SLC3A2: variants seen among roughly 807,000 people sequenced by gnomAD.
SLC3A2 encodes solute carrier family 3 member 2.
SLC3A2 carries 32 observed loss-of-function variants against 48.5 expected under a neutral mutation model. The ratio of observed to expected loss-of-function variants is 0.66; its 90% CI spans 0.50 to 0.89. The LOEUF (loss-of-function observed/expected upper bound fraction) is 0.89. Among genes scored for constraint, SLC3A2 ranks in the 40% least tolerant of loss-of-function variants. The probability of loss-of-function intolerance (pLI) is 0.00; values close to 1 mark genes in which losing one functional copy is unlikely to be tolerated. For synonymous variants in SLC3A2, 277 were observed against 288.8 expected, an observed-to-expected ratio of 0.96 and a Z score of 0.41; for missense variants, 587 against 680.7, an observed-to-expected ratio of 0.86 and a Z score of 1.53.
intron 1 of SLC3A2, among the ~76,000 whole-genome samples, chr11:62,858,904 A>G (rs1161584908): frequency 2.6e-5 from 4 of 152,220 alleles, no homozygotes; most frequent in African/African-American, 7.2e-5. Flanking sequence ...TCCAGCCCTA[A>G]GGCGGTTTTT....
At chr11:62,876,130 G>A (rs938486099), upstream of SLC3A2, among the ~76,000 whole-genome samples, 2 of 152,222 alleles carry the variant, frequency 1.3e-5, no homozygotes, top group African/African-American at 2.4e-5. Context: ...TTCCCAGAGC[G>A]CTGGGATTAA....
intron 1 of SLC3A2, among the ~76,000 whole-genome samples, chr11:62,860,829 C>T (rs1430619454): frequency 2.6e-5 from 4 of 152,164 alleles, no homozygotes; most frequent in Non-Finnish European, 4.4e-5. Context: ...TGGAGAATGG[C>T]GATGACTTTT....
chr11:62,888,436 G>A lies in SLC3A2; in HGVS notation c.1333G>A (p.Ala445Thr), dbSNP rs201002194. The A allele has an allele frequency of 2.6e-5, 42 of 1,614,100 alleles. No homozygotes were observed. The African/African-American group carries it at 3.1e-4, about 12-fold the overall frequency. Reference sequence around the variant, plus strand: ...GCATGGGGACTTCCACGCGTTCTCCGCTGGGCCTGGACTCTTCTCCTATAT... The same window carrying A: ...GCATGGGGACTTCCACGCGTTCTCCACTGGGCCTGGACTCTTCTCCTATAT... Reference protein sequence around the residue: ...LLHGDFHAFSAGPGLFSYIRH... With the variant: ...LLHGDFHAFSTGPGLFSYIRH... The change falls in exon 9 of 9, where the codon GCT (alanine) becomes ACT (threonine). Residue 445 changes from alanine to threonine, a missense_variant. Transcript: ENST00000338663.
At chr11:62,879,679 C>T (rs996825470), upstream of SLC3A2, among the ~76,000 whole-genome samples, 1 of 152,238 alleles carries the variant, frequency 6.6e-6, no homozygotes, top group African/African-American at 2.4e-5. Flanking sequence ...TCCAAATACA[C>T]AGCAATCTTG....
chr11:62,885,418 G>A, intron 6 of SLC3A2, 47 bp from the exon 7 acceptor site: 1 of 1,613,970 alleles, frequency 6.2e-7, no homozygotes, highest in Non-Finnish European at 8.5e-7. Context: ...TTGGGAGACA[G>A]AGGCAGAGGT....
intron 7 of SLC3A2, 98 bp from the exon 8 acceptor site, chr11:62,888,037 C>T (rs1365142436): frequency 1.9e-6 from 2 of 1,044,396 alleles, no homozygotes; most frequent in African/African-American, 1.6e-5. Context: ...CTCAAGCAAT[C>T]CTCTTGGCCT....
At chr11:62,884,373 T>G in intron 3 of SLC3A2, 84 bp from the exon 4 acceptor site, 2 of 1,429,118 alleles carry the variant, frequency 1.4e-6, no homozygotes, top group Non-Finnish European at 2.0e-6. Flanking sequence ...AAGTGTGTGG[T>G]GGGTGAGGTT....
Position 62,880,914 on chromosome 11 carries a change from T to TGCGCGGAG in SLC3A2, c.-107_-100dup. On this transcript the variant is annotated 5_prime_UTR_variant, in exon 1 of 9. Transcript: ENST00000338663. Reference sequence around the variant, plus strand: ...GCTGAGCAGATGCAGTAGCCGAAACTGCGCGGAGGCACAGAGGCCGGGGAG... The same window carrying TGCGCGGAG: ...GCTGAGCAGATGCAGTAGCCGAAACTGCGCGGAGGCGCGGAGGCACAGAGGCCGGGGAG... 6.9e-7 allele frequency: 1 copy of TGCGCGGAG among 1,457,034 alleles called. No individual in the cohort carries two copies. Among genetic ancestry groups the TGCGCGGAG allele is most frequent in the African/African-American group, 1.4e-5 (1 of 71,052 alleles). The allele number at this position is 1,457,034 out of a possible 1,614,324, so 90.3% of individuals were successfully genotyped here. A position where few individuals can be genotyped will look rare whatever the true frequency, so the allele number is the denominator to read the frequency against.
intron 1 of SLC3A2, among the ~76,000 whole-genome samples, chr11:62,857,257 G>GA (rs1343151489): frequency 6.6e-6 from 1 of 152,194 alleles, no homozygotes; most frequent in Non-Finnish European, 1.5e-5. Flanking sequence ...GAGTAGCTGG[G>GA]ATTACAGGCT....
Position 62,882,082 on chromosome 11 carries a change from T to C in SLC3A2, c.598+16T>C. ...AAAAAAAAGAGTGGGTATCCTGGGGTTCCCAAGGAAACAGCTAGAAAGGAC... is the reference window on the plus strand; with the variant it reads ...AAAAAAAAGAGTGGGTATCCTGGGGCTCCCAAGGAAACAGCTAGAAAGGAC... On this transcript the variant is annotated intron_variant, in intron 2 of 8. Coordinates refer to ENST00000338663, the MANE Select transcript of SLC3A2 (RefSeq NM_001013251.3). 6.2e-7 allele frequency: 1 copy of C among 1,613,878 alleles called. No homozygotes were observed. The highest frequency in any genetic ancestry group is 8.5e-7 in the Non-Finnish European group (1 of 1,179,888).
chr11:62,876,088 C>T (rs2085568804), upstream of SLC3A2, among the ~76,000 whole-genome samples: 1 of 152,220 alleles, frequency 6.6e-6, no homozygotes, highest in Admixed American at 6.5e-5. Context: ...TGGTCTCAAA[C>T]TACTGGGCTT....
Position 62,885,455 on chromosome 11 carries a change from C to T in SLC3A2, c.1000-10C>T. 1 of 1,614,188 alleles carries T rather than the reference C, an allele frequency of 6.2e-7. No individual in the cohort carries two copies. Among genetic ancestry groups the T allele is most frequent in the African/African-American group, 1.3e-5 (1 of 75,048 alleles). ...GGTTATGGGGCTCACTGGAGTGTCTCTCCCTGTAGTTGTCTCAGGCAAGGC... is the reference window on the plus strand; with the variant it reads ...GGTTATGGGGCTCACTGGAGTGTCTTTCCCTGTAGTTGTCTCAGGCAAGGC... On this transcript the variant is annotated splice_polypyrimidine_tract_variant and intron_variant, in intron 6 of 8. Transcript: ENST00000338663.
chr11:62,882,877 C>T, intron 2 of SLC3A2, 31 bp from the exon 3 acceptor site: 2 of 1,536,682 alleles, frequency 1.3e-6, no homozygotes, highest in Non-Finnish European at 9.0e-7. Flanking sequence ...CATAGACTGT[C>T]TCATGATTGC....
At chr11:62,856,219 T>C in exon 1 of SLC3A2, 1 of 1,472,024 alleles carries the variant, frequency 6.8e-7, no homozygotes, top group South Asian at 1.2e-5. Context: ...AACCCTGTTC[T>C]GAGCTGCCCC....
rs757002263 is a variant in SLC3A2 at position 62,885,375 on chromosome 11, G to A, written c.999+18G>A. 8.7e-6 allele frequency: 14 copies of A among 1,614,122 alleles called. 1 individual carries two copies. The South Asian group carries it at 1.5e-4, about 18-fold the overall frequency. ...GCTGGAGTGTGAGTACCATGCTGGT[G>A]GGAAAGGGGGCAGATGGGAGAAGAA... On this transcript the variant is annotated intron_variant, in intron 6 of 8. Coordinates refer to ENST00000338663, the MANE Select transcript of SLC3A2 (RefSeq NM_001013251.3).
At chr11:62,865,092 C>G (rs142838269) in intron 1 of SLC3A2, among the ~76,000 whole-genome samples, 57 of 152,206 alleles carry the variant, frequency 3.7e-4, no homozygotes, top group African/African-American at 1.3e-3. Flanking sequence ...GATCTTGTGC[C>G]CAAAATCCTC....
chr11:62,885,802 A>G (rs1453271401), intron 7 of SLC3A2, among the ~76,000 whole-genome samples, 194 bp downstream of exon 7: 2 of 152,128 alleles, frequency 1.3e-5, no homozygotes, highest in Non-Finnish European at 2.9e-5. Flanking sequence ...GTGTTACTGC[A>G]TTTCTTGAAG....
chr11:62,878,984 G>T (rs927047370), upstream of SLC3A2, among the ~76,000 whole-genome samples: 7 of 151,360 alleles, frequency 4.6e-5, no homozygotes, highest in African/African-American at 1.7e-4. Flanking sequence ...TGTTGGCCAG[G>T]CTGGTCACGA....
At chr11:62,860,576 A>AG (rs1357910300) in intron 1 of SLC3A2, among the ~76,000 whole-genome samples, 1 of 152,124 alleles carries the variant, frequency 6.6e-6, no homozygotes, top group Non-Finnish European at 1.5e-5. Flanking sequence ...TTCCATTCCC[A>AG]GGGACTAGCA....
Sources: gnomAD v4.1 joint callset for allele counts (sites outside exome capture counted in the v4.1 genomes callset) on GRCh38, gnomAD v4.1.1 for gene constraint, MANE v1.5 for transcripts, NCBI Gene and HGNC (gene_info 2026-07-23, HGNC 2026-07-21) for gene names.